ACOXL: variants seen among roughly 807,000 people sequenced by gnomAD.
The protein encoded by ACOXL is acyl-CoA oxidase like.
Under a neutral mutation model 71.9 loss-of-function variants are expected in ACOXL, and 70 were observed. The observed-to-expected ratio is 0.97, with a 90% CI of 0.80 to 1.19. ACOXL has a LOEUF of 1.19. Ranked by LOEUF, ACOXL falls within the 50% of genes most tolerant of loss-of-function variation. The probability of loss-of-function intolerance (pLI) is 0.00; values close to 1 mark genes in which losing one functional copy is unlikely to be tolerated. For missense variants in ACOXL, 703 were observed against 736.3 expected (o/e 0.95, Z 0.52); for synonymous variants, 253 against 281.6 (o/e 0.90, Z 1.02).
chr2:110,771,204 GGGC>G (rs1023416675), intron 2 of ACOXL, among the ~76,000 whole-genome samples: 41 of 152,312 alleles, frequency 2.7e-4, no homozygotes, highest in African/African-American at 9.9e-4. Flanking sequence ...TCATCTCGCT[GGGC>G]GGATGTCATG....
At chr2:111,048,697 T>C (rs2066141654) in intron 15 of ACOXL, among the ~76,000 whole-genome samples, 1 of 152,160 alleles carries the variant, frequency 6.6e-6, no homozygotes, top group Admixed American at 6.5e-5. Flanking sequence ...CTCTTCCCTA[T>C]TCTCCTTGAG....
intron 12 of ACOXL, among the ~76,000 whole-genome samples, chr2:110,965,777 A>T (rs2061898641): frequency 6.6e-6 from 1 of 152,206 alleles, no homozygotes; most frequent in South Asian, 2.1e-4. Flanking sequence ...GGAAGGGGGA[A>T]GGAAGAAGGA....
chr2:110,943,246 GAAAAA>G (rs927095925), intron 12 of ACOXL, among the ~76,000 whole-genome samples: 6 of 111,592 alleles, frequency 5.4e-5, no homozygotes, highest in African/African-American at 2.1e-4. Context: ...GAAAGAGAAA[GAAAAA>G]GAAAAGAAAG....
intron 14 of ACOXL, among the ~76,000 whole-genome samples, chr2:111,025,023 C>T (rs756889651): frequency 3.0e-4 from 46 of 152,080 alleles, no homozygotes; most frequent in Non-Finnish European, 4.9e-4. Flanking sequence ...GGATATAGGA[C>T]ATTTCTGTCA....
intron 7 of ACOXL, among the ~76,000 whole-genome samples, chr2:110,799,573 T>C (rs1262792753): frequency 6.6e-6 from 1 of 152,178 alleles, no homozygotes; most frequent in African/African-American, 2.4e-5. Context: ...TGTCTCACAG[T>C]TCTGGAGGCT....
Position 110,929,518 on chromosome 2 carries a change from A to G in ACOXL, c.906-3971A>G, listed in dbSNP as rs545810492. Among the ~76,000 whole-genome samples the G allele has an allele frequency of 2.6e-5, 4 of 152,354 alleles. No individual in the cohort carries two copies. In the South Asian group the frequency reaches 8.3e-4, roughly 32 times the overall value. On this transcript the variant is annotated intron_variant, in intron 11 of 17. Coordinates refer to ENST00000439055, the MANE Select transcript of ACOXL (RefSeq NM_001142807.4). ...AGCCTGAAGATGTGATAGAAAAGAA[A>G]AACCCATTTTCTGAGGAGAAATTCA...
intron 2 of ACOXL, among the ~76,000 whole-genome samples, chr2:110,783,020 C>G (rs934430774): frequency 2.0e-5 from 3 of 152,124 alleles, no homozygotes; most frequent in African/African-American, 7.2e-5. Context: ...CTTCTTCTGG[C>G]TTAATAATGA....
At chr2:110,954,472 A>C (rs2061428914) in intron 12 of ACOXL, among the ~76,000 whole-genome samples, 1 of 151,912 alleles carries the variant, frequency 6.6e-6, no homozygotes, top group Admixed American at 6.6e-5. Flanking sequence ...TTTCCCTTTT[A>C]TGTTTTCACT....
chr2:110,834,636 G>A (rs1405085061), intron 9 of ACOXL, among the ~76,000 whole-genome samples: 2 of 152,224 alleles, frequency 1.3e-5, no homozygotes, highest in Non-Finnish European at 2.9e-5. Context: ...AAAGGTGACA[G>A]CCAATGTTCC....
rs185467526 is a variant in ACOXL at position 111,006,756 on chromosome 2, G to A, written c.1281+10752G>A. ...GTATTTTTAGTAGAGATGGGATTTC[G>A]CCATGTTGATCAGGCTGGTCTCAAA... On this transcript the variant is annotated intron_variant, in intron 14 of 17. Transcript: ENST00000439055. 1.5e-3 allele frequency among the ~76,000 whole-genome samples: 235 copies of A among 151,840 alleles called. 2 individuals are homozygous for A. The highest frequency in any genetic ancestry group is 0.013 in the East Asian group (66 of 5,162).
At chr2:111,001,711 C>G (rs2063639674) in intron 14 of ACOXL, among the ~76,000 whole-genome samples, 2 of 152,202 alleles carry the variant, frequency 1.3e-5, no homozygotes, top group South Asian at 4.1e-4. Context: ...TAACTTGTCT[C>G]CTTAGTTAAC....
At chr2:110,818,318 CG>C (rs1290039936) in intron 9 of ACOXL, among the ~76,000 whole-genome samples, 6 of 149,480 alleles carry the variant, frequency 4.0e-5, no homozygotes, top group Non-Finnish European at 7.4e-5. Flanking sequence ...CACTTGAACC[CG>C]GGAGGCAGAG....
chr2:110,943,204 G>T (rs2060954976), intron 12 of ACOXL, among the ~76,000 whole-genome samples: 1 of 134,234 alleles, frequency 7.4e-6, no homozygotes, highest in Non-Finnish European at 1.6e-5. Context: ...GAAAGAGAAA[G>T]GAAAGGAAGA....
At chr2:110,764,738 CAT>C (rs1183589998) in intron 1 of ACOXL, among the ~76,000 whole-genome samples, 1 of 152,154 alleles carries the variant, frequency 6.6e-6, no homozygotes, top group Non-Finnish European at 1.5e-5. Context: ...AGGCTATACA[CAT>C]GTGGGGGCAG....
chr2:111,014,347 G>A (rs563825952), intron 14 of ACOXL, among the ~76,000 whole-genome samples: 2 of 152,120 alleles, frequency 1.3e-5, no homozygotes, highest in African/African-American at 4.8e-5. Context: ...TCAAACAATT[G>A]GAAAATAAAA....
chr2:110,769,701 G>T (rs1220780222), intron 2 of ACOXL, among the ~76,000 whole-genome samples: 1 of 151,448 alleles, frequency 6.6e-6, no homozygotes, highest in Non-Finnish European at 1.5e-5. Flanking sequence ...CAGGTGTGGT[G>T]GTGCACGCCT....
chr2:110,808,442 A>C (rs1325474983), intron 9 of ACOXL, among the ~76,000 whole-genome samples: 1 of 152,086 alleles, frequency 6.6e-6, no homozygotes, highest in Non-Finnish European at 1.5e-5. Flanking sequence ...AGACCCCTGC[A>C]CAGAACACAT....
chr2:110,867,812 G>A (rs1053176106), intron 10 of ACOXL, among the ~76,000 whole-genome samples: 1 of 152,160 alleles, frequency 6.6e-6, no homozygotes, highest in Non-Finnish European at 1.5e-5. Flanking sequence ...ACCCAAGCTG[G>A]AGTGCAGTGG....
rs117420536 is a variant in ACOXL, at chr2:110,964,073, A to G, written c.1060-23035A>G. 1.5e-4 allele frequency among the ~76,000 whole-genome samples: 23 copies of G among 152,310 alleles called. No homozygotes were observed. In the East Asian group the frequency reaches 4.2e-3, roughly 28 times the overall value. On this transcript the variant is annotated intron_variant, in intron 12 of 17. Transcript: ENST00000439055. ...CCTCCTAATGATCAAGGAAATGCAT[A>G]TTAGACTATTCGGCAATACTCTTTT...
Sources: gnomAD v4.1 joint callset for allele counts (sites outside exome capture counted in the v4.1 genomes callset) on GRCh38, gnomAD v4.1.1 for gene constraint, MANE v1.5 for transcripts, NCBI Gene and HGNC (gene_info 2026-07-23, HGNC 2026-07-21) for gene names.